Variants in PTPRD observed in about 807,000 individuals in gnomAD.
The protein encoded by PTPRD is receptor-type tyrosine-protein phosphatase delta.
Under a neutral mutation model 214.5 loss-of-function variants are expected in PTPRD, and 34 were observed. The observed-to-expected ratio is 0.16, with a 90% CI of 0.12 to 0.21. PTPRD has a LOEUF of 0.21. Among genes scored for constraint, PTPRD ranks in the 10% least tolerant of loss-of-function variants. The probability of loss-of-function intolerance (pLI) is 1.00; values close to 1 mark genes in which losing one functional copy is unlikely to be tolerated. For synonymous variants in PTPRD, 1,128 were observed against 845.7 expected, an observed-to-expected ratio of 1.33 and a Z score of -5.79; for missense variants, 2,545 against 2,398.7, an observed-to-expected ratio of 1.06 and a Z score of -1.27.
intron 3 of PTPRD, among the ~76,000 whole-genome samples, chr9:10,197,333 G>A (rs1324082440): frequency 6.6e-6 from 1 of 152,128 alleles, no homozygotes; most frequent in African/African-American, 2.4e-5. Flanking sequence ...TTTAAAATAT[G>A]ACAGCAGCCA....
chr9:8,568,449 T>C (rs1278649846), intron 14 of PTPRD, among the ~76,000 whole-genome samples: 1 of 152,152 alleles, frequency 6.6e-6, no homozygotes, highest in Non-Finnish European at 1.5e-5. Flanking sequence ...CTAAATCACC[T>C]ATAAAGAAAT....
chr9:10,517,561 C>G (rs1373205665), intron 2 of PTPRD, among the ~76,000 whole-genome samples: 1 of 151,942 alleles, frequency 6.6e-6, no homozygotes, highest in East Asian at 1.9e-4. Context: ...AGAGAACAAA[C>G]TATTTTGTCC....
At chr9:8,737,601 C>T (rs80278374) in intron 11 of PTPRD, among the ~76,000 whole-genome samples, 10,124 of 151,836 alleles carry the variant, frequency 0.067, 431 homozygotes, top group South Asian at 0.18. Context: ...CATTATCCAG[C>T]ATTTGTCCAA....
At chr9:10,290,689 G>T (rs1438997358) in intron 3 of PTPRD, among the ~76,000 whole-genome samples, 10 of 152,078 alleles carry the variant, frequency 6.6e-5, no homozygotes. Flanking sequence ...ATTTAAAAAT[G>T]CATTTATAGC....
intron 11 of PTPRD, among the ~76,000 whole-genome samples, chr9:8,978,208 C>T (rs978689524): frequency 1.3e-5 from 2 of 152,044 alleles, no homozygotes; most frequent in African/African-American, 2.4e-5. Context: ...GAATAAGAAG[C>T]CTAAGCTGGA....
chr9:9,885,562 G>A (rs1356376175), intron 5 of PTPRD, among the ~76,000 whole-genome samples: 1 of 152,002 alleles, frequency 6.6e-6, no homozygotes. Context: ...TTGAGATGGG[G>A]GGACTAGTCT....
chr9:9,428,309 C>A (rs1252481455), intron 8 of PTPRD, among the ~76,000 whole-genome samples: 2 of 151,980 alleles, frequency 1.3e-5, no homozygotes, highest in East Asian at 1.9e-4. Flanking sequence ...TCAGAAGAGA[C>A]AAAAAAGGCC....
At chr9:9,386,363 G>A (rs2063869187) in intron 9 of PTPRD, among the ~76,000 whole-genome samples, 2 of 152,072 alleles carry the variant, frequency 1.3e-5, no homozygotes, top group African/African-American at 2.4e-5. Context: ...AACTTCAAAT[G>A]CCTCTGGTAT....
intron 3 of PTPRD, among the ~76,000 whole-genome samples, chr9:10,095,631 T>C (rs73392168): frequency 1.3e-5 from 2 of 151,590 alleles, no homozygotes; most frequent in African/African-American, 4.8e-5. Context: ...GCATAGATTT[T>C]ATTAACCTAA....
intron 9 of PTPRD, among the ~76,000 whole-genome samples, chr9:9,241,082 C>T (rs1022134507): frequency 6.6e-6 from 1 of 152,064 alleles, no homozygotes; most frequent in Admixed American, 6.6e-5. Context: ...TGAACGTGCT[C>T]ATCGAGATCA....
chr9:8,864,896 T>C (rs1451700899), intron 11 of PTPRD, among the ~76,000 whole-genome samples: 1 of 152,252 alleles, frequency 6.6e-6, no homozygotes, highest in Non-Finnish European at 1.5e-5. Context: ...CTTTGTCTTA[T>C]ACTTCTGTTC....
chr9:9,965,910 G>T (rs1039988395), intron 4 of PTPRD, among the ~76,000 whole-genome samples: 3 of 152,198 alleles, frequency 2.0e-5, no homozygotes, highest in Non-Finnish European at 4.4e-5. Context: ...TAGTGAGCAT[G>T]TTGTATGATT....
chr9:10,190,718 C>CAA (rs57891244), intron 3 of PTPRD, among the ~76,000 whole-genome samples: 922 of 43,142 alleles, frequency 0.021, 33 homozygotes, highest in East Asian at 0.11. Flanking sequence ...AACTCTGTCT[C>CAA]AAAAAAAAAA....
intron 11 of PTPRD, among the ~76,000 whole-genome samples, chr9:8,755,674 T>C (rs908048308): frequency 1.3e-5 from 2 of 152,220 alleles, no homozygotes; most frequent in Non-Finnish European, 1.5e-5. Flanking sequence ...TGAGAAAATA[T>C]AGCTTTTCTA....
intron 14 of PTPRD, among the ~76,000 whole-genome samples, chr9:8,594,537 T>A (rs1411214252): frequency 6.6e-6 from 1 of 152,110 alleles, no homozygotes; most frequent in African/African-American, 2.4e-5. Flanking sequence ...TGAATTGTAA[T>A]CCCCACATGT....
Position 8,597,161 on chromosome 9 carries a change from G to A in PTPRD, c.352+36156C>T, listed in dbSNP as rs543265117. The stretch of plus-strand genomic sequence containing the variant: ...TTTATTCCCAAAGTGAAGGGTTAAA[G>A]GGGGAATCTTTCTGTTTTCCTAGAT... On this transcript the variant is annotated intron_variant, in intron 14 of 45. Transcript: ENST00000381196. 1.2e-4 allele frequency among the ~76,000 whole-genome samples: 18 copies of A among 152,240 alleles called. No homozygotes were observed. The South Asian group carries it at 2.1e-3, about 18-fold the overall frequency.
At chr9:9,369,753 A>C (rs1309900300) in intron 9 of PTPRD, among the ~76,000 whole-genome samples, 2 of 151,942 alleles carry the variant, frequency 1.3e-5, no homozygotes, top group African/African-American at 2.4e-5. Context: ...GGTCTAACAC[A>C]TAAGTCTTTA....
intron 11 of PTPRD, among the ~76,000 whole-genome samples, chr9:8,815,247 T>C (rs10815957): frequency 0.21 from 32,485 of 152,088 alleles, 3,622 homozygotes; most frequent in East Asian, 0.42. Flanking sequence ...CTTCAAATCA[T>C]GCCTCTGCTG....
Position 9,541,101 on chromosome 9 carries a change from G to A in PTPRD, c.-237+33631C>T, listed in dbSNP as rs568711474. On this transcript the variant is annotated intron_variant, in intron 8 of 45. Coordinates refer to ENST00000381196, the MANE Select transcript of PTPRD (RefSeq NM_002839.4). ...GTGACAGGAAGAGGAGAAATACACG[G>A]TAGACCTCAAGAAATAACGAAAAAA... Among the ~76,000 whole-genome samples, 10 of 151,864 alleles carry A rather than the reference G, an allele frequency of 6.6e-5. No homozygotes were observed. The South Asian group carries it at 1.9e-3, about 28-fold the overall frequency.
Sources: gnomAD v4.1 joint callset for allele counts (sites outside exome capture counted in the v4.1 genomes callset) on GRCh38, gnomAD v4.1.1 for gene constraint, MANE v1.5 for transcripts, NCBI Gene and HGNC (gene_info 2026-07-23, HGNC 2026-07-21) for gene names.